SF3B1: variants seen among roughly 807,000 people sequenced by gnomAD.
SF3B1 encodes pre-mRNA processing 10.
A neutral mutation model predicts 153.8 loss-of-function variants in SF3B1; 12 were observed. The observed-to-expected ratio is 0.08, with a 90% CI of 0.05 to 0.13. SF3B1 has a LOEUF of 0.13. SF3B1 is among the 10% of genes least tolerant of loss of function. The probability of loss-of-function intolerance (pLI) is 1.00; values close to 1 mark genes in which losing one functional copy is unlikely to be tolerated. For missense variants in SF3B1, 513 were observed against 1,606.1 expected, an observed-to-expected ratio of 0.32 and a Z score of 11.63; for synonymous variants, 498 against 525.2, an observed-to-expected ratio of 0.95 and a Z score of 0.71.
intron 2 of SF3B1, among the ~76,000 whole-genome samples, chr2:197,422,591 T>TAA (rs555057152): frequency 6.7e-6 from 1 of 150,282 alleles, no homozygotes; most frequent in African/African-American, 2.4e-5. Flanking sequence ...ATCCAAAAAT[T>TAA]AAAAAAAAAT....
Position 197,402,267 on chromosome 2 carries a change from A to C in SF3B1, c.2078-137T>G. On this transcript the variant is annotated intron_variant, in intron 14 of 24. Coordinates refer to ENST00000335508, the MANE Select transcript of SF3B1 (RefSeq NM_012433.4). The surrounding 1 kb of genome is among the most constrained non-coding windows in gnomAD (Gnocchi z 4.6). ...ACATTAAACAAAATTAGGTAAAAGC[A>C]AAACATGAACCATAGCCTGTCAGCA... The C allele has an allele frequency of 1.0e-6, 1 of 990,230 alleles. No homozygotes were observed. The highest frequency in any genetic ancestry group is 2.6e-5 in the East Asian group (1 of 38,566). 61.3% of individuals were successfully genotyped at this position (990,230 alleles called of 1,614,324 possible).
rs996414542 is a variant in SF3B1, at chr2:197,420,927, T to C, written c.300+102A>G. 1.2e-5 allele frequency: 9 copies of C among 720,216 alleles called. No homozygotes were observed. The African/African-American group carries it at 1.6e-4, about 13-fold the overall frequency. The allele number at this position is 720,216 out of a possible 1,614,324, so 44.6% of individuals were successfully genotyped here. A position where few individuals can be genotyped will look rare whatever the true frequency, so the allele number is the denominator to read the frequency against. ...CCTTTACAAAATAAGTTATTATTTA[T>C]AATTATCCTTAAAGCATCCTAAAAT... is the stretch of plus-strand genomic sequence containing the variant. On this transcript the variant is annotated intron_variant, in intron 3 of 24. Coordinates refer to ENST00000335508, the MANE Select transcript of SF3B1 (RefSeq NM_012433.4).
intron 1 of SF3B1, among the ~76,000 whole-genome samples, chr2:197,425,978 TGAGA>T (rs796444896): frequency 7.9e-5 from 12 of 152,044 alleles, no homozygotes; most frequent in African/African-American, 1.7e-4. Flanking sequence ...CCAGCCTGGA[TGAGA>T]GAGAGACTGT....
intron 1 of SF3B1, among the ~76,000 whole-genome samples, chr2:197,433,320 C>G (rs1574564501): frequency 6.6e-6 from 1 of 152,132 alleles, no homozygotes; most frequent in East Asian, 1.9e-4. Context: ...TAGCAATAGA[C>G]CAAAGTTTTT....
chr2:197,397,783 C>T (rs924844665), intron 22 of SF3B1, among the ~76,000 whole-genome samples: 14 of 148,972 alleles, frequency 9.4e-5, no homozygotes, highest in African/African-American at 3.2e-4. Context: ...GGTGACAGAG[C>T]GAGACTCCGT....
At chr2:197,405,620 T>A in intron 9 of SF3B1, 148 bp from the exon 10 acceptor site, 1 of 628,846 alleles carries the variant, frequency 1.6e-6, no homozygotes, top group Non-Finnish European at 2.8e-6. Context: ...TCTATCTTAA[T>A]TAGAAACTTA....
chr2:197,421,278 T>A (rs1257042912), intron 2 of SF3B1, 145 bp from the exon 3 acceptor site: 1 of 546,980 alleles, frequency 1.8e-6, no homozygotes, highest in East Asian at 3.2e-5. Context: ...AGAAACACAA[T>A]TGGTCTTCTT....
rs2105985641 is a variant in SF3B1, at chr2:197,402,150, T to A, written c.2078-20A>T. 6.3e-7 allele frequency: 1 copy of A among 1,583,638 alleles called. No individual in the cohort carries two copies. Among genetic ancestry groups the A allele is most frequent in the Non-Finnish European group, 8.6e-7 (1 of 1,163,550 alleles). ...CAAGACCTACAAAACCAAACACAGG[T>A]TTTAACTATGCCCCAACATTACCTA... On this transcript the variant is annotated intron_variant, in intron 14 of 24. Coordinates refer to ENST00000335508, the MANE Select transcript of SF3B1 (RefSeq NM_012433.4). The surrounding 1 kb of genome is among the most constrained non-coding windows in gnomAD (Gnocchi z 4.6).
chr2:197,407,819 T>A, intron 9 of SF3B1, 179 bp downstream of exon 9: 1 of 524,390 alleles, frequency 1.9e-6, no homozygotes, highest in Non-Finnish European at 3.4e-6. Context: ...TAATAAAAGT[T>A]TCATGTTGTT....
chr2:197,434,146 G>A (rs1329977989), intron 1 of SF3B1, among the ~76,000 whole-genome samples: 2 of 152,148 alleles, frequency 1.3e-5, no homozygotes, highest in Non-Finnish European at 2.9e-5. Context: ...GAAAATCTCG[G>A]ATTCCAAGTC....
At chr2:197,395,490 C>T (rs1381642689) in intron 23 of SF3B1, among the ~76,000 whole-genome samples, 1 of 152,220 alleles carries the variant, frequency 6.6e-6, no homozygotes, top group African/African-American at 2.4e-5. Context: ...TTCCTTTGCA[C>T]TTTCTTCAGT....
At chr2:197,403,241 T>C (rs2084953803) in intron 12 of SF3B1, among the ~76,000 whole-genome samples, 1 of 152,146 alleles carries the variant, frequency 6.6e-6, no homozygotes, top group African/African-American at 2.4e-5. Flanking sequence ...CACACTAATA[T>C]TCAATATTTT....
intron 1 of SF3B1, among the ~76,000 whole-genome samples, chr2:197,425,235 G>A (rs952943785): frequency 6.6e-6 from 1 of 152,224 alleles, no homozygotes; most frequent in Non-Finnish European, 1.5e-5. Context: ...GGAGGCCGAG[G>A]TGGGCAGATC....
At chr2:197,433,094 T>C (rs971514280) in intron 1 of SF3B1, among the ~76,000 whole-genome samples, 4 of 152,164 alleles carry the variant, frequency 2.6e-5, no homozygotes, top group Admixed American at 2.6e-4. Flanking sequence ...GAGAAAACAG[T>C]GATGGACCAT....
rs1574543443 is a variant in SF3B1 at position 197,416,610 on chromosome 2, A to G, written c.666+131T>C. 24 of 775,740 alleles carry G rather than the reference A, an allele frequency of 3.1e-5. No individual in the cohort carries two copies. In the Middle Eastern group the frequency reaches 2.0e-3, roughly 64 times the overall value. 48.1% of individuals were successfully genotyped at this position (775,740 alleles called of 1,614,324 possible). On this transcript the variant is annotated intron_variant, in intron 6 of 24. Transcript: ENST00000335508. ...TGGATTTCAAGCCTCCAGAACTGCG[A>G]AAAAAATCAATGTCTGTTGTTTAAG...
At position 197,400,949 on chromosome 2, in the gene SF3B1, G is replaced by C. The variant is rs770311258; in HGVS notation, c.2497-13C>G. The C allele has an allele frequency of 6.4e-7, 1 of 1,563,566 alleles. No homozygotes were observed. The highest frequency in any genetic ancestry group is 8.7e-7 in the Non-Finnish European group (1 of 1,146,892). Reference sequence around the variant, plus strand: ...TAGTATCAACTAACTAAAAAGAACAGAAAAACAAAAAACCTTTTAGACTGC... The same window carrying C: ...TAGTATCAACTAACTAAAAAGAACACAAAAACAAAAAACCTTTTAGACTGC... On this transcript the variant is annotated splice_polypyrimidine_tract_variant and intron_variant, in intron 17 of 24. Coordinates refer to ENST00000335508, the MANE Select transcript of SF3B1 (RefSeq NM_012433.4). This position sits in a 1 kb window ranked among gnomAD's most constrained non-coding sequence, Gnocchi z 5.0.
intron 6 of SF3B1, among the ~76,000 whole-genome samples, chr2:197,415,251 A>AT (rs1553565283): frequency 2.0e-5 from 3 of 151,024 alleles, no homozygotes; most frequent in Non-Finnish European, 4.4e-5. Flanking sequence ...AGTAGCTTTA[A>AT]TTATTTATTT....
chr2:197,426,546 G>A (rs1341537043), intron 1 of SF3B1, among the ~76,000 whole-genome samples: 1 of 152,132 alleles, frequency 6.6e-6, no homozygotes, highest in African/African-American at 2.4e-5. Context: ...CTACTTCCAT[G>A]AGGATTTAGG....
At chr2:197,412,217 C>T (rs2085079510) in intron 6 of SF3B1, among the ~76,000 whole-genome samples, 3 of 151,990 alleles carry the variant, frequency 2.0e-5, no homozygotes, top group Admixed American at 1.3e-4. Flanking sequence ...ATCTGTCCCT[C>T]CTGCTGAATT....
Sources: gnomAD v4.1 joint callset for allele counts (sites outside exome capture counted in the v4.1 genomes callset) on GRCh38, gnomAD v4.1.1 for gene constraint, Gnocchi (gnomAD v3.1) non-coding constraint, MANE v1.5 for transcripts, NCBI Gene and HGNC (gene_info 2026-07-23, HGNC 2026-07-21) for gene names.